Variants in JADE3 observed in about 807,000 individuals in gnomAD.
The protein encoded by JADE3 is jade family PHD finger 3.
A neutral mutation model predicts 50.1 loss-of-function variants in JADE3; 2 were observed. The ratio of observed to expected loss-of-function variants is 0.04; its 90% CI spans 0.02 to 0.13. The LOEUF (loss-of-function observed/expected upper bound fraction) is 0.13. JADE3 is among the 10% of genes least tolerant of loss of function. The pLI, the probability that JADE3 is intolerant of heterozygous loss-of-function variation, is 1.00. For synonymous variants in JADE3, 218 were observed against 232.9 expected, an observed-to-expected ratio of 0.94 and a Z score of 0.58; for missense variants, 475 against 634.4, an observed-to-expected ratio of 0.75 and a Z score of 2.70.
At chrX:46,944,464 C>T (rs1441748803) in intron 1 of JADE3, among the ~76,000 whole-genome samples, 3 of 109,848 alleles carry the variant, frequency 2.7e-5, no homozygotes, top group Non-Finnish European at 5.7e-5. Context: ...CACCACCATG[C>T]CCAACTAATG....
chrX:46,929,255 A>G (rs1317559007), intron 1 of JADE3, among the ~76,000 whole-genome samples: 1 of 112,417 alleles, frequency 8.9e-6, no homozygotes, highest in Non-Finnish European at 1.9e-5. Flanking sequence ...GTGTTTGTGT[A>G]TGTGTGTGTG....
At chrX:47,028,171 C>A in intron 6 of JADE3, 68 bp downstream of exon 6, 1 of 744,135 alleles carries the variant, frequency 1.3e-6, no homozygotes, top group Non-Finnish European at 2.1e-6. Context: ...TGATCTCCAG[C>A]ACGCATATCT....
chrX:47,055,326 C>G (rs782191731), intron 9 of JADE3, among the ~76,000 whole-genome samples: 1 of 111,724 alleles, frequency 9.0e-6, no homozygotes, highest in East Asian at 2.8e-4. Flanking sequence ...AAATGTAAAT[C>G]TATAAATGGC....
chrX:46,952,383 C>A (rs150675872), intron 1 of JADE3, among the ~76,000 whole-genome samples: 228 of 112,072 alleles, frequency 2.0e-3, no homozygotes, highest in African/African-American at 6.9e-3. Flanking sequence ...AATGGCTTTG[C>A]AGTGCTGTTC....
intron 1 of JADE3, among the ~76,000 whole-genome samples, chrX:46,952,276 A>C (rs914440245): frequency 8.9e-6 from 1 of 112,142 alleles, no homozygotes; most frequent in Non-Finnish European, 1.9e-5. Flanking sequence ...GAGAATGTCA[A>C]TGTATTTGTT....
intron 1 of JADE3, among the ~76,000 whole-genome samples, chrX:46,981,550 A>G (rs907427213): frequency 8.9e-6 from 1 of 112,068 alleles, no homozygotes; most frequent in African/African-American, 3.2e-5. Context: ...ATTTTGCACC[A>G]GAGAGCCAAA....
At chrX:47,010,332 G>A (rs1352613723) in intron 4 of JADE3, among the ~76,000 whole-genome samples, 4 of 111,326 alleles carry the variant, frequency 3.6e-5, no homozygotes, top group Admixed American at 9.6e-5. Flanking sequence ...CAGTTCAACC[G>A]ATTCTCCTGC....
At chrX:46,997,229 A>T (rs192243207) in intron 3 of JADE3, among the ~76,000 whole-genome samples, 88 of 111,702 alleles carry the variant, frequency 7.9e-4, no homozygotes, top group African/African-American at 2.6e-3. Flanking sequence ...GAGGCCAGGC[A>T]CCGTGCCTCA....
intron 1 of JADE3, among the ~76,000 whole-genome samples, chrX:46,974,555 G>A (rs1927570912): frequency 8.9e-6 from 1 of 111,990 alleles, no homozygotes; most frequent in African/African-American, 3.2e-5. Flanking sequence ...AAGCCTAAGG[G>A]AGCTAGACTT....
intron 1 of JADE3, among the ~76,000 whole-genome samples, chrX:46,942,652 T>C (rs1417688347): frequency 2.7e-5 from 3 of 112,173 alleles, no homozygotes; most frequent in African/African-American, 9.7e-5. Context: ...CTTTGTTCTT[T>C]TTGACTAGGA....
At chrX:46,983,064 T>C (rs1351652842) in intron 1 of JADE3, among the ~76,000 whole-genome samples, 1 of 111,882 alleles carries the variant, frequency 8.9e-6, no homozygotes, top group Non-Finnish European at 1.9e-5. Context: ...TTAGGGCTCC[T>C]TTGAAGATAG....
chrX:47,024,724 G>C lies in JADE3; in HGVS notation c.285G>C (p.Arg95Ser). 1 of 1,158,718 alleles carries C rather than the reference G, an allele frequency of 8.6e-7. No homozygotes were observed. The highest frequency in any genetic ancestry group is 1.9e-5 in the South Asian group (1 of 52,090). ...SPDTVPQPSL[R>S]IIAEKVKDVL... is the part of the protein sequence containing the mutation. The stretch of plus-strand genomic sequence containing the variant: ...CATTGTCTTTCTGTTGCTTTTCTAG[G>C]ATTATAGCTGAGAAGGTAAAGGACG... Residue 95 changes from arginine to serine, a missense_variant and splice_region_variant, in exon 5 of 11, where the codon AGG becomes AGC. Physicochemically the swap from Arg to Ser is moderately radical, Grantham distance 110. This residue lies in a region of JADE3 where 54 missense variants were observed against 51.8 expected (regional missense o/e 1.04). Coordinates refer to ENST00000614628, the MANE Select transcript of JADE3 (RefSeq NM_014735.5).
At chrX:46,919,847 G>A (rs1199113868) in intron 1 of JADE3, among the ~76,000 whole-genome samples, 1 of 111,149 alleles carries the variant, frequency 9.0e-6, no homozygotes, top group African/African-American at 3.3e-5. Context: ...AAAAGTCAGT[G>A]ACTTGAAAGA....
intron 1 of JADE3, among the ~76,000 whole-genome samples, chrX:46,974,447 A>AATTC (rs782142961): frequency 1.7e-4 from 19 of 111,077 alleles, no homozygotes; most frequent in African/African-American, 5.9e-4. Flanking sequence ...CATGGGCAGG[A>AATTC]ATTCACCCTT....
intron 1 of JADE3, among the ~76,000 whole-genome samples, chrX:46,982,691 T>C (rs1176431643): frequency 9.0e-6 from 1 of 111,152 alleles, no homozygotes; most frequent in Non-Finnish European, 1.9e-5. Context: ...CTAATGTTGC[T>C]CTTCGGGGGT....
At chrX:47,039,347 G>A (rs1929204751) in intron 8 of JADE3, among the ~76,000 whole-genome samples, 1 of 110,033 alleles carries the variant, frequency 9.1e-6, no homozygotes. Context: ...ATACCATCCT[G>A]GGTGGAAATC....
chrX:46,938,985 G>A (rs782324430), intron 1 of JADE3, among the ~76,000 whole-genome samples: 298 of 112,008 alleles, frequency 2.7e-3, no homozygotes, highest in Non-Finnish European at 4.4e-3. Flanking sequence ...GTGCCACCAT[G>A]CAGCTAATTT....
At chrX:47,033,999 G>T (rs1468035688) in intron 7 of JADE3, among the ~76,000 whole-genome samples, 1 of 111,310 alleles carries the variant, frequency 9.0e-6, no homozygotes, top group East Asian at 2.8e-4. Flanking sequence ...GGTATTCCCA[G>T]TGGTATTTGG....
rs782779472 is a variant in JADE3, at chrX:47,020,892, A to G, written c.285-3832A>G. 2.7e-5 allele frequency among the ~76,000 whole-genome samples: 3 copies of G among 110,878 alleles called. No homozygotes were observed. The South Asian group carries it at 1.2e-3, about 44-fold the overall frequency. ...CACTTTGCAAGGCCAAGATGGGAGTATCACTTGAGCCCAGGAGTTCAAGAC... is the reference window on the plus strand; with the variant it reads ...CACTTTGCAAGGCCAAGATGGGAGTGTCACTTGAGCCCAGGAGTTCAAGAC... On this transcript the variant is annotated intron_variant, in intron 4 of 10. Transcript: ENST00000614628.
Sources: allele counts gnomAD v4.1 joint callset (sites outside exome capture counted in the v4.1 genomes callset), GRCh38; gene constraint gnomAD v4.1.1; regional missense constraint gnomAD v4.1.1; transcripts MANE v1.5; gene names NCBI Gene and HGNC (gene_info 2026-07-23, HGNC 2026-07-21).